The following SHISA9 variants were observed in gnomAD, a reference collection of about 807,000 sequenced individuals.
SHISA9 encodes protein shisa-9.
In SHISA9, 13 loss-of-function variants were observed where a neutral mutation model predicts 38.0. The observed-to-expected ratio is 0.34, with a 90% CI of 0.22 to 0.54. SHISA9 has a LOEUF of 0.54. SHISA9 is among the 20% of genes least tolerant of loss of function. The pLI is 0.91. For synonymous variants in SHISA9, 275 were observed against 242.0 expected (o/e 1.14, Z -1.27); for missense variants, 538 against 575.8 (o/e 0.93, Z 0.67).
chr16:13,294,343 C>G, the SHISA9 span, among the ~76,000 whole-genome samples: 2 of 152,188 alleles, frequency 1.3e-5, no homozygotes, highest in Non-Finnish European at 2.9e-5. Context: ...TCAGCTGGAA[C>G]TGTATGTTAA....
chr16:13,467,344 TC>T, the SHISA9 span, among the ~76,000 whole-genome samples: 1 of 152,194 alleles, frequency 6.6e-6, no homozygotes, highest in African/African-American at 2.4e-5. Flanking sequence ...AGAACACTTT[TC>T]TCCTCCTACC....
chr16:13,407,296 TG>T, the SHISA9 span, among the ~76,000 whole-genome samples: 1 of 152,134 alleles, frequency 6.6e-6, no homozygotes, highest in South Asian at 2.1e-4. Flanking sequence ...TGTATCCTCA[TG>T]TGGCAGAGAG....
chr16:13,295,131 C>T, the SHISA9 span, among the ~76,000 whole-genome samples: 1 of 152,192 alleles, frequency 6.6e-6, no homozygotes, highest in African/African-American at 2.4e-5. Flanking sequence ...TTAATTGTGA[C>T]ACTACATCAC....
chr16:12,907,638 C>A (rs1361857765), intron 1 of SHISA9, among the ~76,000 whole-genome samples: 1 of 152,130 alleles, frequency 6.6e-6, no homozygotes, highest in Non-Finnish European at 1.5e-5. Flanking sequence ...CTTGGTTTTG[C>A]ACATCGGGAC....
chr16:13,530,171 A>G, the SHISA9 span, among the ~76,000 whole-genome samples: 1 of 152,016 alleles, frequency 6.6e-6, no homozygotes, highest in African/African-American at 2.4e-5. Flanking sequence ...CCTGGTGGTG[A>G]ACACATGTAG....
chr16:13,474,056 A>G, the SHISA9 span, among the ~76,000 whole-genome samples: 1 of 152,200 alleles, frequency 6.6e-6, no homozygotes, highest in Non-Finnish European at 1.5e-5. Flanking sequence ...AGATGCAGGA[A>G]GATAGAAGGG....
intron 2 of SHISA9, among the ~76,000 whole-genome samples, chr16:12,996,741 G>C (rs149758356): frequency 2.7e-4 from 41 of 152,200 alleles, no homozygotes; most frequent in African/African-American, 9.4e-4. Context: ...CCTCCAAGGG[G>C]CCTTTAATTT....
intron 2 of SHISA9, among the ~76,000 whole-genome samples, chr16:13,030,549 C>T (rs1221764262): frequency 6.6e-6 from 1 of 152,178 alleles, no homozygotes; most frequent in Non-Finnish European, 1.5e-5. Flanking sequence ...CCTGTCTGTA[C>T]TCAAAAATGA....
intron 2 of SHISA9, among the ~76,000 whole-genome samples, chr16:13,019,763 C>CT (rs1321724546): frequency 7.2e-6 from 1 of 138,674 alleles, no homozygotes; most frequent in African/African-American, 2.6e-5. Flanking sequence ...TCTTTTCTTT[C>CT]TTTTCTTTCT....
chr16:13,304,313 T>C, the SHISA9 span, among the ~76,000 whole-genome samples: 1 of 152,346 alleles, frequency 6.6e-6, no homozygotes, highest in South Asian at 2.1e-4. Context: ...GGCTGCTGTG[T>C]AGTAGCATGA....
At chr16:13,151,283 T>A (rs1425481789) in intron 2 of SHISA9, among the ~76,000 whole-genome samples, 2 of 152,036 alleles carry the variant, frequency 1.3e-5, no homozygotes, top group Non-Finnish European at 2.9e-5. Context: ...ATTTTTGTAT[T>A]TTTAGTAGAG....
At chr16:13,369,708 G>A in the SHISA9 span, among the ~76,000 whole-genome samples, 1 of 152,094 alleles carries the variant, frequency 6.6e-6, no homozygotes, top group Non-Finnish European at 1.5e-5. Flanking sequence ...TCAATCATGA[G>A]CAACATGACA....
chr16:13,554,644 A>C, the SHISA9 span, among the ~76,000 whole-genome samples: 1 of 151,858 alleles, frequency 6.6e-6, no homozygotes, highest in Admixed American at 6.6e-5. Flanking sequence ...GGCATGTGCC[A>C]CCACACCTAG....
At chr16:13,502,865 A>C in the SHISA9 span, among the ~76,000 whole-genome samples, 1 of 152,190 alleles carries the variant, frequency 6.6e-6, no homozygotes, top group Non-Finnish European at 1.5e-5. Flanking sequence ...TGACAGAGTG[A>C]GACCTGTCTC....
At chr16:13,404,863 CT>C in the SHISA9 span, among the ~76,000 whole-genome samples, 1 of 152,140 alleles carries the variant, frequency 6.6e-6, no homozygotes, top group Non-Finnish European at 1.5e-5. Context: ...TTCTAGGGGG[CT>C]TTTAAGGTAG....
the SHISA9 span, among the ~76,000 whole-genome samples, chr16:13,498,247 AT>A: frequency 6.6e-6 from 1 of 152,140 alleles, no homozygotes. Context: ...ATAAACAAAA[AT>A]TTTTTTAAAA....
intron 2 of SHISA9, among the ~76,000 whole-genome samples, chr16:13,129,777 C>T (rs2050291747): frequency 6.6e-6 from 1 of 152,102 alleles, no homozygotes; most frequent in Non-Finnish European, 1.5e-5. Context: ...ACCTCTAGAC[C>T]TGCCTTTTTC....
At chr16:13,365,768 A>G in the SHISA9 span, among the ~76,000 whole-genome samples, 5 of 152,098 alleles carry the variant, frequency 3.3e-5, no homozygotes, top group African/African-American at 9.7e-5. Flanking sequence ...CCCAGAGAGT[A>G]TACTTCTAAT....
At chr16:13,390,987 A>G in the SHISA9 span, among the ~76,000 whole-genome samples, 1 of 152,220 alleles carries the variant, frequency 6.6e-6, no homozygotes, top group African/African-American at 2.4e-5. Flanking sequence ...CTGTGAAAGC[A>G]AGAATATTGA....
Sources: allele counts gnomAD v4.1 joint callset (sites outside exome capture counted in the v4.1 genomes callset), GRCh38; gene constraint gnomAD v4.1.1; transcripts MANE v1.5; gene names NCBI Gene and HGNC (gene_info 2026-07-23, HGNC 2026-07-21).